Variants in HTR2C observed in about 807,000 individuals in gnomAD.
The protein encoded by HTR2C is 5-hydroxytryptamine (serotonin) receptor 2C, G protein-coupled.
Under a neutral mutation model 21.0 loss-of-function variants are expected in HTR2C, and 5 were observed. That is an observed-to-expected ratio of 0.24 (90% CI 0.12 to 0.50). The LOEUF (loss-of-function observed/expected upper bound fraction) is 0.50. Among genes scored for constraint, HTR2C ranks in the 20% least tolerant of loss-of-function variants. The pLI is 0.98. For synonymous variants in HTR2C, 150 were observed against 145.3 expected (o/e 1.03, Z -0.23); for missense variants, 271 against 371.2 (o/e 0.73, Z 2.22).
chrX:114,816,266 T>TGATA (rs10526392), intron 4 of HTR2C, among the ~76,000 whole-genome samples: 2,049 of 102,859 alleles, frequency 0.02, 19 homozygotes, highest in Middle Eastern at 0.061. Flanking sequence ...GATAGATAGA[T>TGATA]GATAGATAGA....
chrX:114,760,268 A>G (rs1446387066), intron 4 of HTR2C, among the ~76,000 whole-genome samples: 1 of 111,647 alleles, frequency 9.0e-6, no homozygotes, highest in Non-Finnish European at 1.9e-5. Context: ...CCACAAAGGA[A>G]GGGTCCTCCA....
chrX:114,601,311 G>T (rs1387204185), intron 1 of HTR2C, among the ~76,000 whole-genome samples: 2 of 111,062 alleles, frequency 1.8e-5, no homozygotes, highest in African/African-American at 3.3e-5. Flanking sequence ...AACAGGCTTT[G>T]TGTGAGCAAC....
chrX:114,721,315 C>T (rs1285037083), intron 2 of HTR2C, among the ~76,000 whole-genome samples: 1 of 75,112 alleles, frequency 1.3e-5, no homozygotes, highest in Non-Finnish European at 2.5e-5. Context: ...TAAATGTCTT[C>T]TTTTGAGAAG....
intron 4 of HTR2C, among the ~76,000 whole-genome samples, chrX:114,803,576 GTTGT>G (rs1490293687): frequency 9.6e-6 from 1 of 104,227 alleles, no homozygotes; most frequent in Non-Finnish European, 2.0e-5. Context: ...TTTTGATGGG[GTTGT>G]TTGTTTTTTT....
At chrX:114,636,880 A>G (rs186824522) in intron 2 of HTR2C, among the ~76,000 whole-genome samples, 7 of 112,071 alleles carry the variant, frequency 6.2e-5, no homozygotes, top group Admixed American at 2.9e-4. Context: ...GAAAGCAAAT[A>G]ATCGTGAGGG....
intron 1 of HTR2C, among the ~76,000 whole-genome samples, chrX:114,588,764 T>G (rs1927510429): frequency 8.9e-6 from 1 of 112,295 alleles, no homozygotes; most frequent in Admixed American, 9.4e-5. Context: ...TACTCTTCAA[T>G]TATAGCTTCC....
chrX:114,784,631 C>A (rs2070155699), intron 4 of HTR2C, among the ~76,000 whole-genome samples: 1 of 106,806 alleles, frequency 9.4e-6, no homozygotes, highest in African/African-American at 3.4e-5. Context: ...GCTTAAGTTG[C>A]CTTCCTTTTT....
At chrX:114,736,938 A>G (rs1556424537) in intron 4 of HTR2C, among the ~76,000 whole-genome samples, 2 of 111,693 alleles carry the variant, frequency 1.8e-5, no homozygotes, top group Non-Finnish European at 3.8e-5. Context: ...TTAAAATATG[A>G]TAGCATAAAC....
chrX:114,686,916 G>C (rs1368353010), intron 2 of HTR2C, among the ~76,000 whole-genome samples: 1 of 110,918 alleles, frequency 9.0e-6, no homozygotes, highest in Non-Finnish European at 1.9e-5. Flanking sequence ...TGAAAGAAGA[G>C]TGAGAAAAAT....
chrX:114,594,137 C>T (rs1474428214), intron 1 of HTR2C, among the ~76,000 whole-genome samples: 1 of 111,653 alleles, frequency 9.0e-6, no homozygotes, highest in Non-Finnish European at 1.9e-5. Context: ...AACTGTGCAG[C>T]TACAAACTCT....
intron 4 of HTR2C, among the ~76,000 whole-genome samples, chrX:114,777,071 C>A (rs1666333362): frequency 8.9e-6 from 1 of 112,021 alleles, no homozygotes; most frequent in Non-Finnish European, 1.9e-5. Context: ...AATGCCCTTA[C>A]AAGGGCTCCC....
intron 1 of HTR2C, among the ~76,000 whole-genome samples, chrX:114,597,022 A>G (rs1239560247): frequency 9.1e-6 from 1 of 110,309 alleles, no homozygotes; most frequent in African/African-American, 3.3e-5. Flanking sequence ...GTTCGAGACC[A>G]GCCTGGCCTA....
At chrX:114,606,788 C>G (rs1285486349) in intron 1 of HTR2C, among the ~76,000 whole-genome samples, 1 of 111,577 alleles carries the variant, frequency 9.0e-6, no homozygotes, top group Non-Finnish European at 1.9e-5. Flanking sequence ...GTCACAGCAC[C>G]AAATTTCATG....
At chrX:114,725,813 C>T (rs1556421779) in intron 2 of HTR2C, among the ~76,000 whole-genome samples, 1 of 111,118 alleles carries the variant, frequency 9.0e-6, no homozygotes. Context: ...GGGTGCCTCC[C>T]AGTTAGGCTG....
At chrX:114,887,107 C>T (rs1017937534) in intron 5 of HTR2C, among the ~76,000 whole-genome samples, 7 of 111,906 alleles carry the variant, frequency 6.3e-5, no homozygotes, top group African/African-American at 1.6e-4. Flanking sequence ...AAAAATCAGA[C>T]GGATTACATA....
intron 4 of HTR2C, among the ~76,000 whole-genome samples, chrX:114,819,800 A>G (rs2070615829): frequency 8.9e-6 from 1 of 112,431 alleles, no homozygotes; most frequent in Non-Finnish European, 1.9e-5. Context: ...AATTGTTTTA[A>G]TATCACTTGT....
At chrX:114,647,447 C>T (rs1380852905) in intron 2 of HTR2C, among the ~76,000 whole-genome samples, 1 of 111,856 alleles carries the variant, frequency 8.9e-6, no homozygotes, top group East Asian at 2.8e-4. Flanking sequence ...ATGGTCTTTA[C>T]ATCCAATTTT....
chrX:114,834,740 C>T (rs1281789266), intron 4 of HTR2C, among the ~76,000 whole-genome samples: 3 of 105,330 alleles, frequency 2.8e-5, no homozygotes, highest in African/African-American at 1.0e-4. Flanking sequence ...GAATTTGATC[C>T]TGTCATTATG....
chrX:114,672,786 T>C lies in HTR2C; in HGVS notation c.-79-54072T>C, dbSNP rs143124073. ...AATACAGCAGCCATATTTACTTATA[T>C]GTTAATATGCAGATATTGAGATTAT... On this transcript the variant is annotated intron_variant, in intron 2 of 5. Transcript: ENST00000276198. Among the ~76,000 whole-genome samples the C allele has an allele frequency of 3.8e-3, 429 of 112,644 alleles. 1 individual carries two copies. The highest frequency in any genetic ancestry group is 0.013 in the African/African-American group (392 of 31,087).
Sources: allele counts gnomAD v4.1 joint callset (sites outside exome capture counted in the v4.1 genomes callset), GRCh38; gene constraint gnomAD v4.1.1; transcripts MANE v1.5; gene names NCBI Gene and HGNC (gene_info 2026-07-23, HGNC 2026-07-21).